The following NUP153 variants were observed in gnomAD, a reference collection of about 807,000 sequenced individuals.
The protein encoded by NUP153 is nuclear pore complex protein Nup153.
In NUP153, 27 loss-of-function variants were observed where a neutral mutation model predicts 134.6. That is an observed-to-expected ratio of 0.20 (90% confidence interval 0.15 to 0.28). The LOEUF is 0.28. Ranked by LOEUF, NUP153 falls within the 10% of genes least tolerant of loss-of-function variation. The probability of loss-of-function intolerance (pLI) is 1.00; values close to 1 mark genes in which losing one functional copy is unlikely to be tolerated. For missense variants in NUP153, 1,821 were observed against 1,731.3 expected (o/e 1.05, Z -0.92); for synonymous variants, 640 against 623.5 (o/e 1.03, Z -0.40).
Position 17,706,447 on chromosome 6 carries a change from G to T in NUP153, c.-60C>A, listed in dbSNP as rs1467608642. 7.2e-7 allele frequency: 1 copy of T among 1,392,906 alleles called. No homozygotes were observed. The highest frequency in any genetic ancestry group is 1.4e-5 in the African/African-American group (1 of 70,252). 86.3% of individuals were successfully genotyped at this position (1,392,906 alleles called of 1,614,324 possible). On this transcript the variant is annotated 5_prime_UTR_variant, in exon 1 of 22. Transcript: ENST00000262077. The surrounding 1 kb of genome is among the most constrained non-coding windows in gnomAD (Gnocchi z 5.9). ...GTAAGGGGGCGGGAGAGGCAGAGGC[G>T]GAGGCCTTAGAGAGCCTCCCCCGCC...
In NUP153 at chr6:17,624,697, A is replaced by AGAT. The variant is rs768343774; in HGVS notation, c.4035_4037dup (p.Ser1347dup). The stretch of plus-strand genomic sequence containing the variant: ...AACCAGTGGGAAATAATGCTGTGGA[A>AGAT]GATGATATAGATCCAAAGCCTGGGG... On this transcript the variant is annotated inframe_insertion, in exon 20 of 22. Transcript: ENST00000262077. The AGAT allele has an allele frequency of 6.2e-7, 1 of 1,614,180 alleles. No individual in the cohort carries two copies. The highest frequency in any genetic ancestry group is 1.3e-5 in the African/African-American group (1 of 75,050).
rs1767767621 is a variant in NUP153, at chr6:17,669,518, T to C, written c.881A>G (p.Lys294Arg). The C allele has an allele frequency of 6.2e-7, 1 of 1,613,694 alleles. No individual in the cohort carries two copies. The highest frequency in any genetic ancestry group is 1.7e-5 in the Admixed American group (1 of 60,006). ...ACCGTAAGATTGTGCACTGAGTTGC[T>C]TAGCTTTCATTTGTCTTCTAACTGG... ...QAPVRRQMKAKQLSAQSYGVT... is the reference protein window; with the variant it reads ...QAPVRRQMKARQLSAQSYGVT... The change falls in exon 6 of 22, where the codon AAG becomes AGG. Residue 294 changes from lysine to arginine, a missense_variant. Lys to Arg is a conservative substitution (Grantham distance 26). Transcript: ENST00000262077.
chr6:17,643,505 C>G (rs1765966735), intron 14 of NUP153, among the ~76,000 whole-genome samples: 1 of 152,114 alleles, frequency 6.6e-6, no homozygotes, highest in Non-Finnish European at 1.5e-5. Flanking sequence ...AACCACCACT[C>G]GTACAACTAT....
intron 5 of NUP153, among the ~76,000 whole-genome samples, chr6:17,674,106 A>G (rs1008780673): frequency 6.6e-6 from 1 of 152,238 alleles, no homozygotes; most frequent in Non-Finnish European, 1.5e-5. Context: ...CGTATATGAC[A>G]TTCTGGAAAG....
At position 17,661,715 on chromosome 6, in the gene NUP153, C is replaced by T. The variant is rs1767195508; in HGVS notation, c.1333G>A (p.Gly445Arg). ...ANGLSSGVGG[G>R]GGKMRRERTR... ...CTTTCTCGTCTCATCTTGCCACCTCCACCACCTACTCCAGAAGATAAACCA... is the reference window on the plus strand; with the variant it reads ...CTTTCTCGTCTCATCTTGCCACCTCTACCACCTACTCCAGAAGATAAACCA... Residue 445 changes from glycine (G) to arginine (R), a missense_variant, in exon 11 of 22, where the codon GGA becomes AGA. Physicochemically the swap from Gly to Arg is moderately radical, Grantham distance 125. Transcript: ENST00000262077. The T allele has an allele frequency of 6.2e-7, 1 of 1,613,886 alleles. No homozygotes were observed. Among genetic ancestry groups the T allele is most frequent in the African/African-American group, 1.3e-5 (1 of 74,912 alleles).
At chr6:17,677,342 A>G (rs995186939) in intron 2 of NUP153, among the ~76,000 whole-genome samples, 1 of 152,184 alleles carries the variant, frequency 6.6e-6, no homozygotes, top group African/African-American at 2.4e-5. Flanking sequence ...GTCTCTACAC[A>G]TTATCATTCA....
chr6:17,668,388 CTATTTT>C (rs1406906006), intron 8 of NUP153, among the ~76,000 whole-genome samples: 1 of 151,862 alleles, frequency 6.6e-6, no homozygotes, highest in African/African-American at 2.4e-5. Flanking sequence ...CCGATCACTC[CTATTTT>C]TATTTATCAA....
intron 5 of NUP153, among the ~76,000 whole-genome samples, chr6:17,672,643 A>G (rs1015243713): frequency 1.3e-5 from 2 of 152,160 alleles, no homozygotes; most frequent in African/African-American, 4.8e-5. Context: ...TTTTTAACAA[A>G]TAACACTAGA....
chr6:17,665,217 GTAGAAA>G lies in NUP153; in HGVS notation c.1215+16_1215+21del. On this transcript the variant is annotated intron_variant, in intron 9 of 21. Coordinates refer to ENST00000262077, the MANE Select transcript of NUP153 (RefSeq NM_005124.4). ...TATTCTAATCAATATTCAAAGACTG[GTAGAAA>G]TATACATATACTCACACTGCACTTG... The G allele has an allele frequency of 6.4e-7, 1 of 1,556,968 alleles. No individual in the cohort carries two copies. The highest frequency in any genetic ancestry group is 8.8e-7 in the Non-Finnish European group (1 of 1,131,778).
At position 17,638,544 on chromosome 6, in the gene NUP153, G is replaced by C. The variant is rs1333852949; in HGVS notation, c.1847-774C>G. Among the ~76,000 whole-genome samples, 3 of 152,188 alleles carry C rather than the reference G, an allele frequency of 2.0e-5. No individual in the cohort carries two copies. Among genetic ancestry groups the C allele is most frequent in the Admixed American group, 2.0e-4 (3 of 15,280 alleles). ...ATACCACATGCTTGAGTTATTCCCA[G>C]TGGGCAACGTGTTATTTTGCTTATG... On this transcript the variant is annotated intron_variant, in intron 15 of 21. Transcript: ENST00000262077. The surrounding 1 kb of genome is among the most constrained non-coding windows in gnomAD (Gnocchi z 4.0).
intron 1 of NUP153, among the ~76,000 whole-genome samples, chr6:17,704,021 G>C (rs892314764): frequency 5.3e-5 from 8 of 152,208 alleles, no homozygotes; most frequent in African/African-American, 1.9e-4. Flanking sequence ...GGCCGGGCGC[G>C]GTGGCTCACG....
intron 5 of NUP153, among the ~76,000 whole-genome samples, chr6:17,670,290 T>C (rs1353562150): frequency 1.3e-5 from 2 of 152,034 alleles, no homozygotes; most frequent in East Asian, 3.9e-4. Flanking sequence ...GTACAACATC[T>C]AAAAACAAGA....
intron 20 of NUP153, among the ~76,000 whole-genome samples, chr6:17,623,391 T>G (rs953105116): frequency 1.3e-5 from 2 of 150,328 alleles, no homozygotes. Flanking sequence ...TTAAAACAAT[T>G]TACACACATG....
chr6:17,700,042 A>C (rs1769948081), intron 1 of NUP153, among the ~76,000 whole-genome samples: 1 of 152,150 alleles, frequency 6.6e-6, no homozygotes, highest in Non-Finnish European at 1.5e-5. Context: ...ACTTTGCATT[A>C]AACAATTTAA....
chr6:17,622,589 T>G (rs568889391), intron 20 of NUP153, among the ~76,000 whole-genome samples: 1 of 152,304 alleles, frequency 6.6e-6, no homozygotes, highest in Admixed American at 6.5e-5. Flanking sequence ...ACTCTAATTT[T>G]TAGGGCCTCT....
intron 2 of NUP153, among the ~76,000 whole-genome samples, chr6:17,685,573 AT>A (rs1185102562): frequency 1.3e-5 from 2 of 151,456 alleles, no homozygotes; most frequent in African/African-American, 2.4e-5. Context: ...AAACTGTTAT[AT>A]AAACAGTTGT....
At position 17,680,693 on chromosome 6, in the gene NUP153, T is replaced by G. The variant is rs762408024; in HGVS notation, c.335-4923A>C. ...GGAGAAAATATCCACAAATTATATA[T>G]GTGATAAGGGATTAATATCCAGAAC... On this transcript the variant is annotated intron_variant, in intron 2 of 21. Transcript: ENST00000262077. This position sits in a 1 kb window ranked among gnomAD's most constrained non-coding sequence, Gnocchi z 4.5. 5.3e-5 allele frequency among the ~76,000 whole-genome samples: 8 copies of G among 152,160 alleles called. No homozygotes were observed. The highest frequency in any genetic ancestry group is 1.0e-4 in the Non-Finnish European group (7 of 68,028).
chr6:17,672,195 T>C (rs1050528968), intron 5 of NUP153, among the ~76,000 whole-genome samples: 5 of 149,162 alleles, frequency 3.4e-5, no homozygotes, highest in African/African-American at 7.5e-5. Flanking sequence ...GACAGTGCAG[T>C]TGGCAAAAGG....
intron 11 of NUP153, among the ~76,000 whole-genome samples, chr6:17,654,953 TA>T (rs1366896790): frequency 2.0e-5 from 3 of 152,080 alleles, no homozygotes; most frequent in Non-Finnish European, 2.9e-5. Context: ...ATTTTACAGA[TA>T]AAAAAACTGA....
Sources: allele counts gnomAD v4.1 joint callset (sites outside exome capture counted in the v4.1 genomes callset), GRCh38; gene constraint gnomAD v4.1.1; non-coding constraint Gnocchi (gnomAD v3.1); transcripts MANE v1.5; gene names NCBI Gene and HGNC (gene_info 2026-07-23, HGNC 2026-07-21).